The following CSMD3 variants were observed in gnomAD, a reference collection of about 807,000 sequenced individuals.
The protein encoded by CSMD3 is CUB and Sushi multiple domains 3.
Under a neutral mutation model 435.2 loss-of-function variants are expected in CSMD3, and 177 were observed. The ratio of observed to expected loss-of-function variants is 0.41; its 90% CI spans 0.36 to 0.46. CSMD3 has a LOEUF of 0.46. Among genes scored for constraint, CSMD3 ranks in the 20% least tolerant of loss-of-function variants. The pLI, the probability that CSMD3 is intolerant of heterozygous loss-of-function variation, is 0.34. For missense variants in CSMD3, 4,265 were observed against 4,504.6 expected (o/e 0.95, Z 1.52); for synonymous variants, 1,656 against 1,520.5 (o/e 1.09, Z -2.07).
chr8:112,891,151 G>C (rs540725722), intron 10 of CSMD3, among the ~76,000 whole-genome samples: 33 of 151,620 alleles, frequency 2.2e-4, no homozygotes, highest in African/African-American at 7.7e-4. Flanking sequence ...CAATCCAATA[G>C]CTTTTCCTTT....
intron 35 of CSMD3, among the ~76,000 whole-genome samples, chr8:112,393,229 C>T (rs2129779251): frequency 6.6e-6 from 1 of 152,208 alleles, no homozygotes; most frequent in East Asian, 1.9e-4. Flanking sequence ...GATTTCATCT[C>T]CAGGCTTGTA....
chr8:113,260,795 A>C (rs2093420587), intron 3 of CSMD3, among the ~76,000 whole-genome samples: 1 of 151,478 alleles, frequency 6.6e-6, no homozygotes, highest in African/African-American at 2.4e-5. Context: ...CTCATTTTCA[A>C]CTCCCATTTG....
chr8:112,419,130 T>C (rs557969863), intron 32 of CSMD3, among the ~76,000 whole-genome samples: 2 of 152,318 alleles, frequency 1.3e-5, no homozygotes, highest in East Asian at 3.9e-4. Flanking sequence ...TTGAAAACTT[T>C]TATATTTTCT....
At chr8:112,651,633 G>A (rs1180966012) in intron 18 of CSMD3, among the ~76,000 whole-genome samples, 1 of 151,730 alleles carries the variant, frequency 6.6e-6, no homozygotes, top group Non-Finnish European at 1.5e-5. Flanking sequence ...CACCTGCCGG[G>A]TTCAAGCAAT....
chr8:112,423,390 T>C (rs554926395), intron 32 of CSMD3, among the ~76,000 whole-genome samples: 1 of 152,210 alleles, frequency 6.6e-6, no homozygotes, highest in Non-Finnish European at 1.5e-5. Context: ...AACAGCCACA[T>C]TTTTATTAAA....
intron 12 of CSMD3, among the ~76,000 whole-genome samples, chr8:112,820,180 G>C (rs1419412364): frequency 6.6e-6 from 1 of 152,010 alleles, no homozygotes; most frequent in African/African-American, 2.4e-5. Context: ...TTAATAATGA[G>C]AACATTTAGA....
intron 37 of CSMD3, among the ~76,000 whole-genome samples, chr8:112,381,313 T>C (rs1030434737): frequency 6.6e-6 from 1 of 152,174 alleles, no homozygotes; most frequent in African/African-American, 2.4e-5. Flanking sequence ...TTTCTGGACT[T>C]CTGAAGGAGA....
intron 22 of CSMD3, among the ~76,000 whole-genome samples, chr8:112,592,110 T>C (rs1330712926): frequency 6.6e-6 from 1 of 152,018 alleles, no homozygotes; most frequent in Non-Finnish European, 1.5e-5. Context: ...TCTCCTAAGA[T>C]GCCTTCTCAA....
chr8:112,692,671 CAACA>C (rs2076162368), intron 13 of CSMD3, among the ~76,000 whole-genome samples: 1 of 152,076 alleles, frequency 6.6e-6, no homozygotes, highest in African/African-American at 2.4e-5. Flanking sequence ...TTAGTTTATA[CAACA>C]AACAGTTGAT....
In CSMD3 at chr8:113,109,392, C is replaced by A. The variant is rs200025947; in HGVS notation, c.710-10429G>T. ...GTATCATTTGTGCAGAGGCAAATTG[C>A]CCTCTGACTGTGAACCTCTGAAATC... On this transcript the variant is annotated intron_variant, in intron 4 of 70. Coordinates refer to ENST00000297405, the MANE Select transcript of CSMD3 (RefSeq NM_198123.2). Among the ~76,000 whole-genome samples the A allele has an allele frequency of 2.0e-5, 3 of 152,224 alleles. No homozygotes were observed. The East Asian group carries it at 5.8e-4, about 29-fold the overall frequency.
At position 112,409,018 on chromosome 8, in the gene CSMD3, A is replaced by G; in HGVS notation, c.5410T>C (p.Phe1804Leu). 2 of 1,613,574 alleles carry G rather than the reference A, an allele frequency of 1.2e-6. No individual in the cohort carries two copies. The highest frequency in any genetic ancestry group is 1.7e-6 in the Non-Finnish European group (2 of 1,179,644). ...TGGAGTGATGTCTGGAAAAATACAA[A>G]CTGGCCAAACACCACTGATCAACAG... ...VPKEFVVFGQFVFFQTSLHDV... is the reference protein window; with the variant it reads ...VPKEFVVFGQLVFFQTSLHDV... The change falls in exon 33 of 71, where the codon TTT (phenylalanine) becomes CTT (leucine). Residue 1804 changes from phenylalanine (F) to leucine (L), a missense_variant. This residue lies in a region of CSMD3 where 3,255 missense variants were observed against 3,380.2 expected (regional missense o/e 0.96). Transcript: ENST00000297405.
At chr8:113,362,977 A>G (rs1047554206) in intron 1 of CSMD3, among the ~76,000 whole-genome samples, 1 of 152,182 alleles carries the variant, frequency 6.6e-6, no homozygotes, top group East Asian at 1.9e-4. Context: ...TATTCCTTAA[A>G]AAATACTGCT....
At chr8:112,767,198 T>C (rs1421874912) in intron 13 of CSMD3, among the ~76,000 whole-genome samples, 1 of 151,734 alleles carries the variant, frequency 6.6e-6, no homozygotes. Context: ...GAGAAGCAAA[T>C]TGAGTTTACA....
intron 16 of CSMD3, among the ~76,000 whole-genome samples, chr8:112,670,278 C>A (rs777700006): frequency 6.6e-6 from 1 of 152,056 alleles, no homozygotes; most frequent in Non-Finnish European, 1.5e-5. Flanking sequence ...TAAAGTAATG[C>A]AATTACCTTT....
chr8:112,254,131 T>TA (rs1300954146), intron 63 of CSMD3, 122 bp downstream of exon 63: 14 of 813,370 alleles, frequency 1.7e-5, no homozygotes, highest in Non-Finnish European at 3.1e-5. Flanking sequence ...TTACCCTTTT[T>TA]ATGTGTTTAT....
At chr8:112,278,973 C>T (rs1818353144) in intron 59 of CSMD3, among the ~76,000 whole-genome samples, 1 of 151,718 alleles carries the variant, frequency 6.6e-6, no homozygotes, top group Non-Finnish European at 1.5e-5. Context: ...GAGAAGATTG[C>T]CCTTCTTCCT....
intron 22 of CSMD3, among the ~76,000 whole-genome samples, chr8:112,630,620 T>G (rs1312866047): frequency 6.6e-6 from 1 of 152,126 alleles, no homozygotes; most frequent in Non-Finnish European, 1.5e-5. Context: ...AAAATAGTGG[T>G]AAATTTGAGC....
chr8:113,338,767 T>G (rs1207162474), intron 1 of CSMD3, among the ~76,000 whole-genome samples: 1 of 152,044 alleles, frequency 6.6e-6, no homozygotes, highest in South Asian at 2.1e-4. Context: ...TAATAGGGTT[T>G]TTCTTTAGAA....
At chr8:113,286,063 A>C (rs558273278) in intron 2 of CSMD3, among the ~76,000 whole-genome samples, 1 of 151,952 alleles carries the variant, frequency 6.6e-6, no homozygotes, top group African/African-American at 2.4e-5. Flanking sequence ...ATGGTTTCTA[A>C]TTGATAATCT....
Sources: gnomAD v4.1 joint callset for allele counts (sites outside exome capture counted in the v4.1 genomes callset) on GRCh38, gnomAD v4.1.1 for gene constraint, gnomAD v4.1.1 regional missense constraint, MANE v1.5 for transcripts, NCBI Gene and HGNC (gene_info 2026-07-23, HGNC 2026-07-21) for gene names.